The following TMEM212 variants were observed in gnomAD, a reference collection of about 807,000 sequenced individuals.
TMEM212 encodes the protein transmembrane protein 212.
A neutral mutation model predicts 20.5 loss-of-function variants in TMEM212; 23 were observed. That is an observed-to-expected ratio of 1.12 (90% CI 0.81 to 1.59). TMEM212 has a LOEUF of 1.59. TMEM212 is among the 40% of genes most tolerant of loss of function. TMEM212 has a pLI of 0.00. For synonymous variants in TMEM212, 76 were observed against 81.6 expected (o/e 0.93, Z 0.37); for missense variants, 211 against 215.0 (o/e 0.98, Z 0.12).
At position 171,843,390 on chromosome 3, in the gene TMEM212, G is replaced by A. The variant is rs569273323; in HGVS notation, c.7G>A (p.Gly3Ser). The A allele has an allele frequency of 1.6e-5, 25 of 1,533,714 alleles. No homozygotes were observed. The South Asian group carries it at 2.8e-4, about 17-fold the overall frequency. ...CCTCAAGCCACCAAGGAAAATGAAG[G>A]GCCTCTACCAGGCTGCTGGCCGGAT... MK[G>S]LYQAAGRILV... The change falls in exon 1 of 5, where the codon GGC becomes AGC. Residue 3 changes from glycine (G) to serine (S), a missense_variant. Gly to Ser is a moderately conservative substitution (Grantham distance 56, BLOSUM62 0). Coordinates refer to ENST00000334567, the MANE Select transcript of TMEM212 (RefSeq NM_001164436.2).
chr3:171,853,327 A>C (rs1725028956), intron 2 of TMEM212, among the ~76,000 whole-genome samples, 200 bp from the exon 3 acceptor site: 1 of 152,096 alleles, frequency 6.6e-6, no homozygotes, highest in Non-Finnish European at 1.5e-5. Flanking sequence ...AAAAGTGAAA[A>C]AAAAAAAAAG....
intron 3 of TMEM212, among the ~76,000 whole-genome samples, chr3:171,855,052 A>G (rs903856384): frequency 1.3e-5 from 2 of 149,992 alleles, no homozygotes; most frequent in African/African-American, 4.9e-5. Context: ...GGTCTTTAAT[A>G]TTAAAAAATA....
chr3:171,844,977 C>T (rs1246673243), intron 1 of TMEM212, among the ~76,000 whole-genome samples: 1 of 152,024 alleles, frequency 6.6e-6, no homozygotes, highest in Non-Finnish European at 1.5e-5. Context: ...ATGGGAGAGT[C>T]GATGGAATGA....
In TMEM212 at chr3:171,850,247, T is replaced by G. The variant is rs1412298450; in HGVS notation, c.160-1735T>G. Among the ~76,000 whole-genome samples, 3 of 152,254 alleles carry G rather than the reference T, an allele frequency of 2.0e-5. No individual in the cohort carries two copies. The East Asian group carries it at 5.8e-4, about 29-fold the overall frequency. ...CTAACCTCTTGAGCTGCCTTTCAAT[T>G]TGCAGGGTGGATTTAACAAGTTACT... is the stretch of plus-strand genomic sequence containing the variant. On this transcript the variant is annotated intron_variant, in intron 1 of 4. Coordinates refer to ENST00000334567, the MANE Select transcript of TMEM212 (RefSeq NM_001164436.2).
chr3:171,858,232 C>G lies in TMEM212; in HGVS notation c.*175C>G, dbSNP rs1174766060. ...CTGGTACCAAAACAGATATATAGAC[C>G]AATGGAACAGAACAGAGGCCTCAGA... On this transcript the variant is annotated 3_prime_UTR_variant, in exon 5 of 5. Coordinates refer to ENST00000334567, the MANE Select transcript of TMEM212 (RefSeq NM_001164436.2). 1 of 152,060 alleles carries G rather than the reference C, an allele frequency of 6.6e-6. No individual in the cohort carries two copies. Among genetic ancestry groups the G allele is most frequent in the East Asian group, 1.9e-4 (1 of 5,198 alleles). The allele number at this position is 152,060 out of a possible 1,614,324, so 9.4% of individuals were successfully genotyped here. A position where few individuals can be genotyped will look rare whatever the true frequency, so the allele number is the denominator to read the frequency against.
intron 2 of TMEM212, 97 bp from the exon 3 acceptor site, chr3:171,853,430 T>C: frequency 9.6e-7 from 1 of 1,044,186 alleles, no homozygotes; most frequent in Non-Finnish European, 1.4e-6. Flanking sequence ...ATAGGAGAGA[T>C]TCATAGCCAG....
rs1223788695 is a variant in TMEM212 at position 171,847,576 on chromosome 3, G to A, written c.159+4034G>A. Among the ~76,000 whole-genome samples, 3 of 152,198 alleles carry A rather than the reference G, an allele frequency of 2.0e-5. No homozygotes were observed. In the East Asian group the frequency reaches 5.8e-4, roughly 29 times the overall value. ...ATTTTATTCAGGATTATTGCAATAGGGAAAAAGAGACATCAATATAGAACA... is the reference window on the plus strand; with the variant it reads ...ATTTTATTCAGGATTATTGCAATAGAGAAAAAGAGACATCAATATAGAACA... On this transcript the variant is annotated intron_variant, in intron 1 of 4. Transcript: ENST00000334567.
chr3:171,844,501 T>C (rs1028913609), intron 1 of TMEM212, among the ~76,000 whole-genome samples: 123 of 152,104 alleles, frequency 8.1e-4, no homozygotes, highest in African/African-American at 2.8e-3. Context: ...AGGTCAGGAG[T>C]TCGAGACCAG....
chr3:171,843,501 T>C lies in TMEM212; in HGVS notation c.118T>C (p.Trp40Arg). The C allele has an allele frequency of 6.5e-7, 1 of 1,537,010 alleles. No individual in the cohort carries two copies. The highest frequency in any genetic ancestry group is 8.7e-7 in the Non-Finnish European group (1 of 1,146,776). The change falls in exon 1 of 5, where the codon TGG becomes CGG. Residue 40 changes from tryptophan to arginine, a missense_variant. Coordinates refer to ENST00000334567, the MANE Select transcript of TMEM212 (RefSeq NM_001164436.2). ...TTCTTACAAGCCTTGGTTCACAGGA[T>C]GGAGTGTTCGAATTGCTTGTCCTAT... Reference protein sequence around the residue: ...VFSYKPWFTGWSVRIACPIWN... With the variant: ...VFSYKPWFTGRSVRIACPIWN...
At chr3:171,851,261 A>G (rs1247094749) in intron 1 of TMEM212, among the ~76,000 whole-genome samples, 1 of 152,220 alleles carries the variant, frequency 6.6e-6, no homozygotes, top group Non-Finnish European at 1.5e-5. Flanking sequence ...TTGCTGAATC[A>G]AAGAGCCAGG....
intron 2 of TMEM212, 142 bp from the exon 3 acceptor site, chr3:171,853,383 AAG>A (rs1725033528): frequency 4.2e-6 from 3 of 710,436 alleles, no homozygotes; most frequent in Non-Finnish European, 6.8e-6. Flanking sequence ...TGAAAATATA[AAG>A]AGAGAGTCGT....
intron 3 of TMEM212, among the ~76,000 whole-genome samples, chr3:171,854,840 T>C (rs1252697655): frequency 1.3e-5 from 2 of 152,128 alleles, no homozygotes; most frequent in African/African-American, 4.8e-5. Context: ...TAAACCCACA[T>C]GTGAATGTTT....
intron 1 of TMEM212, among the ~76,000 whole-genome samples, chr3:171,849,598 C>CATTACCT (rs1724924472): frequency 6.6e-6 from 1 of 152,166 alleles, no homozygotes; most frequent in East Asian, 1.9e-4. Context: ...TTTATCAGCA[C>CATTACCT]AGTACCTAGC....
chr3:171,846,038 G>A (rs888048547), intron 1 of TMEM212, among the ~76,000 whole-genome samples: 5 of 151,770 alleles, frequency 3.3e-5, no homozygotes, highest in Admixed American at 2.0e-4. Context: ...CTACTCCCTC[G>A]TAACCTGCTG....
At chr3:171,851,798 G>C (rs1057371653) in intron 1 of TMEM212, among the ~76,000 whole-genome samples, 184 bp from the exon 2 acceptor site, 1 of 152,164 alleles carries the variant, frequency 6.6e-6, no homozygotes, top group African/African-American at 2.4e-5. Flanking sequence ...GACACTAATG[G>C]CTTACTTTCC....
intron 1 of TMEM212, among the ~76,000 whole-genome samples, chr3:171,849,492 T>C (rs976388490): frequency 4.6e-5 from 7 of 152,234 alleles, no homozygotes; most frequent in Non-Finnish European, 1.0e-4. Flanking sequence ...GATATCTACA[T>C]GATAAGGTCA....
At chr3:171,852,620 G>T (rs562002171) in intron 2 of TMEM212, among the ~76,000 whole-genome samples, 2 of 152,274 alleles carry the variant, frequency 1.3e-5, no homozygotes, top group South Asian at 4.2e-4. Flanking sequence ...TGAAGAAATG[G>T]ATCTATAGGC....
chr3:171,847,314 G>A (rs1724858735), intron 1 of TMEM212, among the ~76,000 whole-genome samples: 1 of 152,266 alleles, frequency 6.6e-6, no homozygotes, highest in Admixed American at 6.5e-5. Flanking sequence ...AATGGCAAGT[G>A]CAGCGCTGTA....
At chr3:171,853,405 C>G in intron 2 of TMEM212, 122 bp from the exon 3 acceptor site, 40 of 630,622 alleles carry the variant, frequency 6.3e-5, no homozygotes, top group Admixed American at 6.6e-5. Flanking sequence ...TGATTGATTT[C>G]TCCCTCATTT....
Sources: allele counts gnomAD v4.1 joint callset (sites outside exome capture counted in the v4.1 genomes callset), GRCh38; gene constraint gnomAD v4.1.1; transcripts MANE v1.5; gene names NCBI Gene and HGNC (gene_info 2026-07-23, HGNC 2026-07-21).